MED27: variants seen among roughly 807,000 people sequenced by gnomAD.
The protein encoded by MED27 is mediator of RNA polymerase II transcription subunit 27.
Under a neutral mutation model 38.2 loss-of-function variants are expected in MED27, and 30 were observed. The ratio of observed to expected loss-of-function variants is 0.79; its 90% CI spans 0.59 to 1.07. The LOEUF is 1.07. Among genes scored for constraint, MED27 ranks in the 50% least tolerant of loss-of-function variants. The pLI is 0.00. For synonymous variants in MED27, 122 were observed against 153.5 expected (o/e 0.79, Z 1.52); for missense variants, 289 against 397.5 (o/e 0.73, Z 2.32).
intron 2 of MED27, among the ~76,000 whole-genome samples, chr9:132,029,586 CAG>C (rs1354366636): frequency 6.6e-6 from 1 of 152,030 alleles, no homozygotes; most frequent in Non-Finnish European, 1.5e-5. Context: ...CAAACACTGA[CAG>C]AGAGTTAATT....
At chr9:131,945,578 G>A (rs1213363538) in intron 3 of MED27, among the ~76,000 whole-genome samples, 1 of 151,932 alleles carries the variant, frequency 6.6e-6, no homozygotes, top group African/African-American at 2.4e-5. Context: ...CTTTTGATCA[G>A]TATCTCTCCC....
chr9:132,058,586 G>A (rs947965940), intron 2 of MED27, among the ~76,000 whole-genome samples: 1 of 152,108 alleles, frequency 6.6e-6, no homozygotes, highest in Admixed American at 6.5e-5. Flanking sequence ...TAAGTTTCTT[G>A]GGGCCTTCCC....
chr9:131,995,284 T>C (rs993164693), intron 3 of MED27, among the ~76,000 whole-genome samples: 2 of 151,808 alleles, frequency 1.3e-5, no homozygotes, highest in African/African-American at 4.8e-5. Context: ...ACCCAACCAG[T>C]TGACATCAGC....
chr9:131,880,981 C>T (rs145407579), intron 6 of MED27, among the ~76,000 whole-genome samples: 2 of 151,656 alleles, frequency 1.3e-5, no homozygotes, highest in African/African-American at 4.8e-5. Flanking sequence ...TGGAAATGGA[C>T]CATTGTTAAA....
chr9:132,079,834 A>C lies in MED27; in HGVS notation c.11T>G (p.Val4Gly). The change falls in exon 1 of 8, where the codon GTG becomes GGG. Residue 4 changes from valine to glycine, a missense_variant. Physicochemically the swap from Val to Gly is moderately radical, Grantham distance 109 (BLOSUM62 -3). Coordinates refer to ENST00000292035, the MANE Select transcript of MED27 (RefSeq NM_004269.4). Reference sequence around the variant, plus strand: ...CTCCAGGTTCACACTGACATTTATCACGTCCGCCATGTTGCCGCCGCCACA... The same window carrying C: ...CTCCAGGTTCACACTGACATTTATCCCGTCCGCCATGTTGCCGCCGCCACA... Reference protein sequence around the residue: MADVINVSVNLEAF... With the variant: MADGINVSVNLEAF... The C allele has an allele frequency of 6.3e-7, 1 of 1,590,278 alleles. No homozygotes were observed. Among genetic ancestry groups the C allele is most frequent in the Non-Finnish European group, 8.6e-7 (1 of 1,168,130 alleles).
chr9:132,061,669 GGCA>G (rs754183282), intron 2 of MED27, among the ~76,000 whole-genome samples: 2 of 152,168 alleles, frequency 1.3e-5, no homozygotes, highest in African/African-American at 2.4e-5. Flanking sequence ...GTTACTAAAG[GGCA>G]GCAGCAGGGC....
intron 4 of MED27, among the ~76,000 whole-genome samples, chr9:131,939,165 T>G (rs1253280544): frequency 6.6e-6 from 1 of 152,238 alleles, no homozygotes; most frequent in Non-Finnish European, 1.5e-5. Flanking sequence ...TCCTCTCTGG[T>G]TAAGTCTTAC....
intron 3 of MED27, among the ~76,000 whole-genome samples, chr9:131,969,956 G>A (rs1831438323): frequency 6.6e-6 from 1 of 152,022 alleles, no homozygotes; most frequent in African/African-American, 2.4e-5. Flanking sequence ...CAGCCATGAG[G>A]CTGGAGGGCT....
intron 3 of MED27, among the ~76,000 whole-genome samples, chr9:131,986,998 G>GGT (rs1256007448): frequency 1.3e-5 from 1 of 79,860 alleles, no homozygotes; most frequent in Non-Finnish European, 2.6e-5. Context: ...TGAGTTCATG[G>GGT]ATTTTTTTTT....
At position 131,883,161 on chromosome 9, in the gene MED27, C is replaced by T. The variant is rs1391813557; in HGVS notation, c.723+897G>A. On this transcript the variant is annotated intron_variant, in intron 6 of 7. Transcript: ENST00000292035. The surrounding 1 kb of genome is among the most constrained non-coding windows in gnomAD (Gnocchi z 4.2). ...ACCTCAGGTGATCTGCCTACCTTGG[C>T]CTCCCAAAGTGCTGGGGAGTGGACA... Among the ~76,000 whole-genome samples the T allele has an allele frequency of 1.3e-5, 2 of 152,170 alleles. No homozygotes were observed. Among genetic ancestry groups the T allele is most frequent in the South Asian group, 2.1e-4 (1 of 4,826 alleles).
At chr9:132,053,951 G>A (rs932153911) in intron 2 of MED27, among the ~76,000 whole-genome samples, 1 of 151,392 alleles carries the variant, frequency 6.6e-6, no homozygotes, top group African/African-American at 2.4e-5. Flanking sequence ...AAAATTAACA[G>A]ATTAGATAAG....
Position 131,862,485 on chromosome 9 carries a change from T to C in MED27, c.801+578A>G, listed in dbSNP as rs1282184917. ...AAATGCTGATAAACTGGCCCTGGGG[T>C]TCGGGGGAAGTCCTGACTTGCAGTG... On this transcript the variant is annotated intron_variant, in intron 7 of 7. Coordinates refer to ENST00000292035, the MANE Select transcript of MED27 (RefSeq NM_004269.4). This position sits in a 1 kb window ranked among gnomAD's most constrained non-coding sequence, Gnocchi z 4.6. Among the ~76,000 whole-genome samples, 1 of 151,872 alleles carries C rather than the reference T, an allele frequency of 6.6e-6. No individual in the cohort carries two copies. Among genetic ancestry groups the C allele is most frequent in the South Asian group, 2.1e-4 (1 of 4,798 alleles).
chr9:131,877,866 G>A (rs1838964486), intron 6 of MED27, among the ~76,000 whole-genome samples: 3 of 152,212 alleles, frequency 2.0e-5, no homozygotes, highest in Admixed American at 2.0e-4. Context: ...ACTTTTCAGA[G>A]AACTGAGTCT....
intron 6 of MED27, 55 bp downstream of exon 6, chr9:131,884,003 A>T: frequency 1.3e-6 from 2 of 1,488,300 alleles, no homozygotes; most frequent in Middle Eastern, 3.8e-4. Flanking sequence ...TTAAACCTCA[A>T]AGCATTCACG....
intron 3 of MED27, among the ~76,000 whole-genome samples, chr9:131,988,274 C>A (rs1224112318): frequency 2.6e-5 from 4 of 152,130 alleles, no homozygotes; most frequent in African/African-American, 9.7e-5. Context: ...ATCAGTGGTA[C>A]CTATTCATTA....
At chr9:131,868,703 C>T (rs575572965) in intron 6 of MED27, 3 of 985,508 alleles carry the variant, frequency 3.0e-6, no homozygotes, top group Admixed American at 1.2e-4. Context: ...TGCCCACCTC[C>T]TACCCACTGA....
intron 4 of MED27, among the ~76,000 whole-genome samples, chr9:131,903,891 C>CT (rs35837340): frequency 0.052 from 6,647 of 126,636 alleles, 515 homozygotes; most frequent in African/African-American, 0.18. Flanking sequence ...CCACACACAG[C>CT]TTTTTTTTTT....
chr9:131,966,891 A>C (rs1167932134), intron 3 of MED27, among the ~76,000 whole-genome samples: 1 of 152,252 alleles, frequency 6.6e-6, no homozygotes, highest in East Asian at 1.9e-4. Flanking sequence ...CTTGGACTCT[A>C]GCACGTAGCA....
At chr9:131,964,293 A>G (rs892824259) in intron 3 of MED27, among the ~76,000 whole-genome samples, 2 of 1,870 alleles carry the variant, frequency 1.1e-3, no homozygotes, top group African/African-American at 3.5e-3. Context: ...GTGGTGGTTG[A>G]TAGCGATTGT....
Sources: gnomAD v4.1 joint callset for allele counts (sites outside exome capture counted in the v4.1 genomes callset) on GRCh38, gnomAD v4.1.1 for gene constraint, Gnocchi (gnomAD v3.1) non-coding constraint, MANE v1.5 for transcripts, NCBI Gene and HGNC (gene_info 2026-07-23, HGNC 2026-07-21) for gene names.